The following NCALD variants were observed in gnomAD, a reference collection of about 807,000 sequenced individuals.
The protein encoded by NCALD is neurocalcin-delta.
In NCALD, 10 loss-of-function variants were observed where a neutral mutation model predicts 18.6. The ratio of observed to expected loss-of-function variants is 0.54; its 90% CI spans 0.33 to 0.91. The LOEUF is 0.91. Ranked by LOEUF, NCALD falls within the 40% of genes least tolerant of loss-of-function variation. The pLI is 0.03. For synonymous variants in NCALD, 88 were observed against 87.4 expected (o/e 1.01, Z -0.04); for missense variants, 184 against 247.6 (o/e 0.74, Z 1.72).
At chr8:101,723,899 G>GT (rs1243554624) in intron 1 of NCALD, among the ~76,000 whole-genome samples, 1 of 146,744 alleles carries the variant, frequency 6.8e-6, no homozygotes, top group African/African-American at 2.5e-5. Flanking sequence ...ATGTTTGTTT[G>GT]TTGTTAAGTG....
At chr8:102,020,224 G>C (rs1193175640) in intron 2 of NCALD, 1 of 152,108 alleles carries the variant, frequency 6.6e-6, no homozygotes, top group Non-Finnish European at 1.5e-5. Context: ...AGAAAAACTT[G>C]TTCTATACTT....
At chr8:101,692,952 A>C (rs1452308532) in intron 2 of NCALD, 56 bp from the exon 3 acceptor site, 5 of 1,308,260 alleles carry the variant, frequency 3.8e-6, no homozygotes, top group Non-Finnish European at 5.5e-6. Context: ...CACACAATAG[A>C]CCTATCATTA....
intron 1 of NCALD, among the ~76,000 whole-genome samples, chr8:101,758,020 C>A (rs1292771546): frequency 3.3e-5 from 5 of 152,098 alleles, no homozygotes; most frequent in Admixed American, 3.3e-4. Context: ...AAACTCCTGG[C>A]CTCAAACATT....
chr8:101,762,566 G>A (rs2130842343), intron 1 of NCALD, among the ~76,000 whole-genome samples: 1 of 151,302 alleles, frequency 6.6e-6, no homozygotes, highest in African/African-American at 2.4e-5. Flanking sequence ...CTGGTCTACA[G>A]ACACTGCTAT....
At chr8:101,981,203 C>T (rs998985055) in intron 2 of NCALD, among the ~76,000 whole-genome samples, 6 of 152,134 alleles carry the variant, frequency 3.9e-5, no homozygotes, top group Non-Finnish European at 8.8e-5. Context: ...GGTTTATTAC[C>T]AGGTTTCCTT....
chr8:101,893,111 G>A (rs1056374942), intron 3 of NCALD, among the ~76,000 whole-genome samples: 5 of 151,680 alleles, frequency 3.3e-5, no homozygotes, highest in African/African-American at 1.2e-4. Context: ...GGCAGCCAGA[G>A]AGAAAGGTCA....
chr8:102,094,010 G>T (rs1825012043), intron 1 of NCALD, among the ~76,000 whole-genome samples: 1 of 152,112 alleles, frequency 6.6e-6, no homozygotes, highest in Non-Finnish European at 1.5e-5. Context: ...ATTTATAAAT[G>T]AGCCAGGGTA....
chr8:101,716,737 A>G (rs913894553), intron 2 of NCALD, among the ~76,000 whole-genome samples: 3 of 152,232 alleles, frequency 2.0e-5, no homozygotes, highest in African/African-American at 7.2e-5. Flanking sequence ...ACGTGATTAC[A>G]TTAAGAATAT....
At chr8:101,850,440 C>T (rs1199086903) in intron 4 of NCALD, among the ~76,000 whole-genome samples, 1 of 152,156 alleles carries the variant, frequency 6.6e-6, no homozygotes, top group Non-Finnish European at 1.5e-5. Flanking sequence ...GGAAAAAGAT[C>T]GCTACACACT....
chr8:102,116,623 C>T (rs761743162), intron 1 of NCALD, among the ~76,000 whole-genome samples: 3 of 152,150 alleles, frequency 2.0e-5, no homozygotes, highest in Non-Finnish European at 2.9e-5. Flanking sequence ...GCTGGAACCA[C>T]GGGTGCATGC....
chr8:101,712,192 C>A (rs1466398291), intron 2 of NCALD, among the ~76,000 whole-genome samples: 2 of 152,084 alleles, frequency 1.3e-5, no homozygotes, highest in Admixed American at 1.3e-4. Flanking sequence ...GAAATAAAAT[C>A]CTTTACAGAC....
At chr8:101,937,838 C>T (rs1445172621) in intron 2 of NCALD, among the ~76,000 whole-genome samples, 1 of 152,108 alleles carries the variant, frequency 6.6e-6, no homozygotes, top group Non-Finnish European at 1.5e-5. Context: ...ACAAATGAAT[C>T]AGCCAAATAA....
chr8:102,118,081 A>C (rs1250225773), intron 1 of NCALD, among the ~76,000 whole-genome samples: 1 of 152,220 alleles, frequency 6.6e-6, no homozygotes, highest in African/African-American at 2.4e-5. Context: ...GGACTACAAG[A>C]TAGTCCCACA....
intron 1 of NCALD, among the ~76,000 whole-genome samples, chr8:101,787,919 C>T (rs1275612355): frequency 2.0e-5 from 3 of 152,156 alleles, no homozygotes; most frequent in Non-Finnish European, 2.9e-5. Context: ...ACATGAACTA[C>T]CTTCTGTGGC....
intron 1 of NCALD, among the ~76,000 whole-genome samples, chr8:101,733,956 TGAG>T (rs1816959890): frequency 6.6e-6 from 1 of 152,232 alleles, no homozygotes; most frequent in African/African-American, 2.4e-5. Flanking sequence ...TTCCTGGGGC[TGAG>T]GAGGCTGTGG....
chr8:101,880,298 G>T (rs1262167260), intron 4 of NCALD, among the ~76,000 whole-genome samples: 1 of 152,144 alleles, frequency 6.6e-6, no homozygotes, highest in Non-Finnish European at 1.5e-5. Context: ...CGGAGTGCGG[G>T]GCCCACTGAG....
chr8:101,723,177 G>A (rs527249741), intron 1 of NCALD, among the ~76,000 whole-genome samples: 17 of 152,190 alleles, frequency 1.1e-4, no homozygotes, highest in African/African-American at 2.9e-4. Flanking sequence ...GGGTCAAATC[G>A]TTTTCATAAC....
intron 1 of NCALD, among the ~76,000 whole-genome samples, chr8:102,030,078 G>A (rs914828181): frequency 1.3e-5 from 2 of 152,172 alleles, no homozygotes; most frequent in African/African-American, 4.8e-5. Flanking sequence ...GAACAACACT[G>A]GTGAGGCAAT....
chr8:101,818,573 C>T (rs1450749073), intron 4 of NCALD, among the ~76,000 whole-genome samples: 1 of 152,200 alleles, frequency 6.6e-6, no homozygotes, highest in Non-Finnish European at 1.5e-5. Context: ...TCAACACCTC[C>T]ATGTTTCTCC....
Sources: allele counts gnomAD v4.1 joint callset (sites outside exome capture counted in the v4.1 genomes callset), GRCh38; gene constraint gnomAD v4.1.1; transcripts MANE v1.5; gene names NCBI Gene and HGNC (gene_info 2026-07-23, HGNC 2026-07-21).